Variants in AXL observed in about 807,000 individuals in gnomAD.
The protein encoded by AXL is AXL receptor tyrosine kinase.
In AXL, 52 loss-of-function variants were observed where a neutral mutation model predicts 104.5. The ratio of observed to expected loss-of-function variants is 0.50; its 90% CI spans 0.40 to 0.63. The LOEUF (loss-of-function observed/expected upper bound fraction) is 0.63, where lower values mean the gene tolerates loss of function less well. Among genes scored for constraint, AXL ranks in the 20% least tolerant of loss-of-function variants. The pLI, the probability that AXL is intolerant of heterozygous loss-of-function variation, is 0.00. For synonymous variants in AXL, 455 were observed against 473.7 expected (o/e 0.96, Z 0.51); for missense variants, 1,024 against 1,188.5 (o/e 0.86, Z 2.04).
intron 12 of AXL, among the ~76,000 whole-genome samples, chr19:41,244,246 C>T (rs2034234620): frequency 6.6e-6 from 1 of 151,788 alleles, no homozygotes; most frequent in Non-Finnish European, 1.5e-5. Context: ...AAACACCAAA[C>T]CTCAGAGCCA....
At chr19:41,226,655 GAC>G in intron 4 of AXL, 1 of 802,712 alleles carries the variant, frequency 1.2e-6, no homozygotes, top group Non-Finnish European at 1.5e-6. Flanking sequence ...AAACACGAGA[GAC>G]ACGTACACAG....
At chr19:41,237,896 C>A in intron 6 of AXL, 48 bp from the exon 7 acceptor site, 1 of 1,548,544 alleles carries the variant, frequency 6.5e-7, no homozygotes, top group Non-Finnish European at 8.9e-7. Flanking sequence ...GTGACCATCT[C>A]GTGTGATTGC....
chr19:41,228,761 C>T (rs4803449), intron 4 of AXL, among the ~76,000 whole-genome samples: 60,040 of 151,764 alleles, frequency 0.4, 12,147 homozygotes, highest in South Asian at 0.51. Context: ...CAACCCCTGC[C>T]CTCCTAGAGC....
Position 41,238,034 on chromosome 19 carries a change from C to T in AXL, c.874C>T (p.His292Tyr), listed in dbSNP as rs1160421475. The change falls in exon 7 of 20, where the codon CAT (histidine) becomes TAT (tyrosine). Residue 292 changes from histidine (H) to tyrosine (Y), a missense_variant. This residue lies in a region of AXL where 332 missense variants were observed against 343.9 expected (regional missense o/e 0.97). Transcript: ENST00000301178. The stretch of plus-strand genomic sequence containing the variant: ...CACCTCGCAAGCATCCGTGCCCCCC[C>T]ATCAGCTTCGGCTAGGCAGCCTCCA... The part of the protein sequence containing the change: ...PLTSQASVPP[H>Y]QLRLGSLHPH... 3.7e-6 allele frequency: 6 copies of T among 1,613,884 alleles called. No homozygotes were observed. The highest frequency in any genetic ancestry group is 5.1e-6 in the Non-Finnish European group (6 of 1,179,994).
At chr19:41,222,815 A>C (rs2033815749) in intron 4 of AXL, among the ~76,000 whole-genome samples, 1 of 150,458 alleles carries the variant, frequency 6.6e-6, no homozygotes, top group Non-Finnish European at 1.5e-5. Flanking sequence ...CTGAGGCAGG[A>C]GAATGGCAGG....
rs750299914 is a variant in AXL, at chr19:41,242,941, A to T, written c.1371A>T (p.Ala457=). 1.6e-5 allele frequency: 26 copies of T among 1,614,062 alleles called. No individual in the cohort carries two copies. Among genetic ancestry groups the T allele is most frequent in the Non-Finnish European group, 2.0e-5 (24 of 1,180,024 alleles). Residue 457 remains alanine (A), a synonymous_variant, in exon 11 of 20, where the codon GCA becomes GCT. Transcript: ENST00000301178. ...CCTGGTGGTATGTACTGCTAGGAGC[A>T]GTCGTGGCCGCTGCCTGTGTCCTCA... ...SWPWWYVLLG[A]VVAAACVLIL...
At position 41,220,430 on chromosome 19, in the gene AXL, A is replaced by G. The variant is rs1353184831; in HGVS notation, c.86-206A>G. The G allele has an allele frequency of 9.0e-6, 5 of 554,768 alleles. No homozygotes were observed. In the African/African-American group the frequency reaches 9.6e-5, roughly 11 times the overall value. 34.4% of individuals were successfully genotyped at this position (554,768 alleles called of 1,614,324 possible). A position where few individuals can be genotyped will look rare whatever the true frequency, so the allele number is the denominator to read the frequency against. ...CCGAGCCTCCTTCCCGACGGGATGG[A>G]CGCTAGATCCCAGTCCCTTGGGAGG... is the stretch of plus-strand genomic sequence containing the variant. On this transcript the variant is annotated intron_variant, in intron 1 of 19. Transcript: ENST00000301178.
chr19:41,258,752 G>A (rs2034492142), intron 19 of AXL, among the ~76,000 whole-genome samples: 1 of 152,184 alleles, frequency 6.6e-6, no homozygotes, highest in South Asian at 2.1e-4. Flanking sequence ...TTGCACAGCT[G>A]GTGTGTTTGT....
At chr19:41,220,574 G>A in intron 1 of AXL, 62 bp from the exon 2 acceptor site, 8 of 1,431,204 alleles carry the variant, frequency 5.6e-6, no homozygotes, top group Non-Finnish European at 7.6e-6. Flanking sequence ...AGGACAGGGT[G>A]GAACTGAGGG....
In AXL at chr19:41,260,916, T is replaced by G. The variant is rs532052164; in HGVS notation, c.*1012T>G. ...CTGTAAGGCTCTAGATCATAAGGCT[T>G]CAAAATGTTATCTTCTCAAGTTCTA... On this transcript the variant is annotated 3_prime_UTR_variant, in exon 20 of 20. Coordinates refer to ENST00000301178, the MANE Select transcript of AXL (RefSeq NM_021913.5). 5 of 152,288 alleles carry G rather than the reference T, an allele frequency of 3.3e-5. No homozygotes were observed. The South Asian group carries it at 1.0e-3, about 32-fold the overall frequency. 9.4% of individuals were successfully genotyped at this position (152,288 alleles called of 1,614,324 possible).
intron 14 of AXL, among the ~76,000 whole-genome samples, chr19:41,250,953 G>T (rs2034352372): frequency 6.6e-6 from 1 of 152,148 alleles, no homozygotes; most frequent in African/African-American, 2.4e-5. Context: ...GTCCTGAACT[G>T]TTAAATGGGA....
chr19:41,233,392 T>C (rs2034026395), intron 6 of AXL, among the ~76,000 whole-genome samples: 1 of 151,212 alleles, frequency 6.6e-6, no homozygotes, highest in African/African-American at 2.4e-5. Context: ...ACCTAGAAAA[T>C]AGTGGCTATT....
At position 41,230,153 on chromosome 19, in the gene AXL, TTCTGTG is replaced by T. The variant is rs994445706; in HGVS notation, c.587-794_587-789del. On this transcript the variant is annotated intron_variant, in intron 4 of 19. Coordinates refer to ENST00000301178, the MANE Select transcript of AXL (RefSeq NM_021913.5). ...AGTGTGTGTGTGTGGCTGTGTCTGT[TTCTGTG>T]TCTGTGTCTGTGTCTGTGTGTGAGC... Among the ~76,000 whole-genome samples the T allele has an allele frequency of 8.7e-4, 98 of 112,214 alleles. 1 individual carries two copies. Among genetic ancestry groups the T allele is most frequent in the Admixed American group, 2.4e-3 (28 of 11,854 alleles). 73.6% of individuals were successfully genotyped at this position (112,214 alleles called of 152,430 possible). A position where few individuals can be genotyped will look rare whatever the true frequency, so the allele number is the denominator to read the frequency against.
Position 41,226,275 on chromosome 19 carries a change from G to A in AXL, c.586+4219G>A, listed in dbSNP as rs539451210. Among the ~76,000 whole-genome samples, 261 of 152,280 alleles carry A rather than the reference G, an allele frequency of 1.7e-3. 3 individuals carry two copies. The highest frequency in any genetic ancestry group is 2.8e-3 in the Non-Finnish European group (189 of 68,014). ...CTCCAGCCCCAGGGCTTCTCCGGCC[G>A]GCGGCGCCAGCTCCCGCGCGCTGAC... On this transcript the variant is annotated intron_variant, in intron 4 of 19. Coordinates refer to ENST00000301178, the MANE Select transcript of AXL (RefSeq NM_021913.5).
intron 4 of AXL, among the ~76,000 whole-genome samples, chr19:41,223,853 G>A (rs576206796): frequency 6.6e-6 from 1 of 152,160 alleles, no homozygotes; most frequent in Admixed American, 6.5e-5. Context: ...TGTGGTGGTG[G>A]TGGGGTGTCT....
At position 41,260,018 on chromosome 19, in the gene AXL, C is replaced by G; in HGVS notation, c.*114C>G. The G allele has an allele frequency of 1.0e-6, 1 of 971,722 alleles. No homozygotes were observed. The highest frequency in any genetic ancestry group is 1.5e-6 in the Non-Finnish European group (1 of 672,864). The allele number at this position is 971,722 out of a possible 1,614,324, so 60.2% of individuals were successfully genotyped here. ...GCCTTATCCCCACTTGCAGCCCTGT[C>G]TTCCTACCTATCCCACCTCCATCCC... is the stretch of plus-strand genomic sequence containing the variant. On this transcript the variant is annotated 3_prime_UTR_variant, in exon 20 of 20. Coordinates refer to ENST00000301178, the MANE Select transcript of AXL (RefSeq NM_021913.5).
At chr19:41,230,446 TTG>T (rs2033960776) in intron 4 of AXL, among the ~76,000 whole-genome samples, 1 of 149,224 alleles carries the variant, frequency 6.7e-6, no homozygotes, top group Non-Finnish European at 1.5e-5. Context: ...CTGTGTGTGG[TTG>T]TGTGTCTTCA....
chr19:41,238,552 C>G lies in AXL; in HGVS notation c.1077C>G (p.Pro359=). The G allele has an allele frequency of 6.2e-7, 1 of 1,613,930 alleles. No homozygotes were observed. Among genetic ancestry groups the G allele is most frequent in the Non-Finnish European group, 8.5e-7 (1 of 1,179,904 alleles). ...TGCATTGGCAAGAGCCCCGGGCGCC[C>G]CTGCAGGGTACCCTGTTAGGGTACC... is the stretch of plus-strand genomic sequence containing the variant. ...AFVHWQEPRA[P]LQGTLLGYRL... The change falls in exon 8 of 20, where the codon CCC becomes CCG. Residue 359 remains proline (P), a synonymous_variant. Transcript: ENST00000301178.
Position 41,219,231 on chromosome 19 carries a change from G to A in AXL, c.-162G>A, listed in dbSNP as rs1193456120. 15 of 646,472 alleles carry A rather than the reference G, an allele frequency of 2.3e-5. No homozygotes were observed. Among genetic ancestry groups the A allele is most frequent in the Admixed American group, 1.5e-4 (5 of 33,838 alleles). 40.0% of individuals were successfully genotyped at this position (646,472 alleles called of 1,614,324 possible). On this transcript the variant is annotated 5_prime_UTR_variant, in exon 1 of 20. Coordinates refer to ENST00000301178, the MANE Select transcript of AXL (RefSeq NM_021913.5). ...AAGGAGGCAGGGGTGCTGAGAAGGC[G>A]GCTGCTGGGCAGAGCCGGTGGCAAG...
Sources: allele counts gnomAD v4.1 joint callset (sites outside exome capture counted in the v4.1 genomes callset), GRCh38; gene constraint gnomAD v4.1.1; regional missense constraint gnomAD v4.1.1; transcripts MANE v1.5; gene names NCBI Gene and HGNC (gene_info 2026-07-23, HGNC 2026-07-21).